ADARB2: variants seen among roughly 807,000 people sequenced by gnomAD.
ADARB2 encodes adenosine deaminase RNA specific B2 (inactive).
Under a neutral mutation model 62.2 loss-of-function variants are expected in ADARB2, and 25 were observed. The ratio of observed to expected loss-of-function variants is 0.40; its 90% confidence interval spans 0.29 to 0.56. ADARB2 has a LOEUF of 0.56. ADARB2 is among the 20% of genes least tolerant of loss of function. ADARB2 has a pLI of 0.43. For synonymous variants in ADARB2, 572 were observed against 500.8 expected (o/e 1.14, Z -1.90); for missense variants, 1,071 against 1,077.4 (o/e 0.99, Z 0.08).
At chr10:1,385,896 G>C (rs1199977622) in intron 1 of ADARB2, among the ~76,000 whole-genome samples, 1 of 152,018 alleles carries the variant, frequency 6.6e-6, no homozygotes, top group African/African-American at 2.4e-5. Flanking sequence ...CAGAGAAACA[G>C]GACATCTTAC....
At chr10:1,215,956 C>G (rs2131753337) in intron 7 of ADARB2, 1 of 151,470 alleles carries the variant, frequency 6.6e-6, no homozygotes, top group Middle Eastern at 3.4e-3. Context: ...GGCCTCAAAT[C>G]CACGTTGGGG....
intron 1 of ADARB2, among the ~76,000 whole-genome samples, chr10:1,430,670 G>A (rs2131889752): frequency 6.6e-6 from 1 of 152,216 alleles, no homozygotes; most frequent in South Asian, 2.1e-4. Context: ...AATCTGGGAG[G>A]CGGAGGTTGC....
rs372717930 is a variant in ADARB2 at position 1,450,000 on chromosome 10, G to A, written c.101-70840C>T. Among the ~76,000 whole-genome samples the A allele has an allele frequency of 5.3e-5, 8 of 152,344 alleles. No homozygotes were observed. The East Asian group carries it at 1.4e-3, about 26-fold the overall frequency. On this transcript the variant is annotated intron_variant, in intron 1 of 9. Coordinates refer to ENST00000381312, the MANE Select transcript of ADARB2 (RefSeq NM_018702.4). ...ACCCTGACGGAGGGGCTGGCTGCAAGGAGGCCGTGGCCAGCATGACGCTTG... is the reference window on the plus strand; with the variant it reads ...ACCCTGACGGAGGGGCTGGCTGCAAAGAGGCCGTGGCCAGCATGACGCTTG...
At chr10:1,672,611 C>T (rs1588346926) in intron 1 of ADARB2, among the ~76,000 whole-genome samples, 1 of 151,594 alleles carries the variant, frequency 6.6e-6, no homozygotes, top group Non-Finnish European at 1.5e-5. Flanking sequence ...CCGCGCCTGC[C>T]TCCCTCCATG....
intron 1 of ADARB2, among the ~76,000 whole-genome samples, chr10:1,391,591 TACAA>T (rs1832571204): frequency 6.6e-6 from 1 of 152,160 alleles, no homozygotes; most frequent in African/African-American, 2.4e-5. Context: ...CTGTTTCATT[TACAA>T]ACAGTTTATC....
intron 4 of ADARB2, among the ~76,000 whole-genome samples, chr10:1,258,595 A>G (rs373480709): frequency 6.6e-6 from 1 of 152,212 alleles, no homozygotes; most frequent in Non-Finnish European, 1.5e-5. Flanking sequence ...AACAAGAAGA[A>G]CTAACTATTC....
chr10:1,359,583 A>G (rs1459089888), intron 3 of ADARB2, among the ~76,000 whole-genome samples: 1 of 152,210 alleles, frequency 6.6e-6, no homozygotes, highest in Non-Finnish European at 1.5e-5. Flanking sequence ...TCACGTGTTT[A>G]TAAGGAAGCT....
chr10:1,630,992 CAAAT>C lies in ADARB2; in HGVS notation c.100+106055_100+106058del, dbSNP rs1302193690. Among the ~76,000 whole-genome samples, 911 of 125,880 alleles carry C rather than the reference CAAAT, an allele frequency of 7.2e-3. 8 individuals carry two copies. Among genetic ancestry groups the C allele is most frequent in the African/African-American group, 0.025 (854 of 34,084 alleles). The allele number at this position is 125,880 out of a possible 152,430, so 82.6% of individuals were successfully genotyped here. A position where few individuals can be genotyped will look rare whatever the true frequency, so the allele number is the denominator to read the frequency against. On this transcript the variant is annotated intron_variant, in intron 1 of 9. Coordinates refer to ENST00000381312, the MANE Select transcript of ADARB2 (RefSeq NM_018702.4). The stretch of plus-strand genomic sequence containing the variant: ...ACAAACAAACAAACAAACAAACAAA[CAAAT>C]AAATGAAAGAAAGAAAAAAAGAAAA...
At chr10:1,247,140 T>G (rs973893974) in intron 4 of ADARB2, among the ~76,000 whole-genome samples, 3 of 152,206 alleles carry the variant, frequency 2.0e-5, no homozygotes, top group African/African-American at 7.2e-5. Context: ...TGTCTGTTAT[T>G]GGTGTATAAG....
At chr10:1,676,044 G>A (rs1834463322) in intron 1 of ADARB2, 5 of 985,352 alleles carry the variant, frequency 5.1e-6, no homozygotes, top group Non-Finnish European at 6.0e-6. Context: ...TCTAACTCTT[G>A]ACCTGAGCCC....
intron 4 of ADARB2, among the ~76,000 whole-genome samples, chr10:1,270,708 C>T (rs539762277): frequency 1.3e-5 from 2 of 152,316 alleles, no homozygotes; most frequent in African/African-American, 4.8e-5. Flanking sequence ...GCTGGCCAGG[C>T]CCCCCAGAGA....
chr10:1,511,313 C>T (rs1728882129), intron 1 of ADARB2, among the ~76,000 whole-genome samples: 1 of 152,150 alleles, frequency 6.6e-6, no homozygotes, highest in South Asian at 2.1e-4. Context: ...ATTTATTGAA[C>T]ACCTACCCCA....
At chr10:1,455,402 T>C (rs982823185) in intron 1 of ADARB2, among the ~76,000 whole-genome samples, 1 of 152,186 alleles carries the variant, frequency 6.6e-6, no homozygotes, top group African/African-American at 2.4e-5. Flanking sequence ...ATTCAGACTA[T>C]GATGATATTG....
chr10:1,298,165 C>T (rs1831539995), intron 3 of ADARB2, among the ~76,000 whole-genome samples: 1 of 152,062 alleles, frequency 6.6e-6, no homozygotes, highest in Non-Finnish European at 1.5e-5. Flanking sequence ...AGGCAGCAAA[C>T]GAAACGGACA....
intron 1 of ADARB2, among the ~76,000 whole-genome samples, chr10:1,515,260 G>A (rs1024768648): frequency 1.3e-5 from 2 of 152,220 alleles, no homozygotes; most frequent in Non-Finnish European, 2.9e-5. Context: ...GGGCAGGCGG[G>A]CACACAGTGT....
intron 1 of ADARB2, among the ~76,000 whole-genome samples, chr10:1,571,846 GGGCAGGTGAGTA>G (rs1832940434): frequency 1.4e-5 from 2 of 146,980 alleles, no homozygotes; most frequent in African/African-American, 2.5e-5. Context: ...GCTGGTGAGT[GGGCAGGTGAGTA>G]TGCAGGTGAG....
intron 1 of ADARB2, among the ~76,000 whole-genome samples, chr10:1,590,356 GA>G (rs1314334640): frequency 6.6e-6 from 1 of 152,202 alleles, no homozygotes; most frequent in Non-Finnish European, 1.5e-5. Context: ...TCCATATGAC[GA>G]AGTTCATTCC....
chr10:1,531,128 G>A (rs568503397), intron 1 of ADARB2, among the ~76,000 whole-genome samples: 18 of 152,294 alleles, frequency 1.2e-4, no homozygotes, highest in African/African-American at 3.8e-4. Flanking sequence ...TGTCCTGCCC[G>A]TGGGCCACCC....
chr10:1,570,963 C>T (rs535983528), intron 1 of ADARB2, among the ~76,000 whole-genome samples: 9 of 152,294 alleles, frequency 5.9e-5, no homozygotes, highest in South Asian at 2.1e-4. Context: ...TCAGGGCAAA[C>T]ACCTGCTGGG....
Sources: gnomAD v4.1 joint callset for allele counts (sites outside exome capture counted in the v4.1 genomes callset) on GRCh38, gnomAD v4.1.1 for gene constraint, MANE v1.5 for transcripts, NCBI Gene and HGNC (gene_info 2026-07-23, HGNC 2026-07-21) for gene names.